Variants in NFKB1 observed in about 807,000 individuals in gnomAD.
NFKB1 encodes the protein nuclear factor NF-kappa-B p105 subunit.
In NFKB1, 9 loss-of-function variants were observed where a neutral mutation model predicts 105.1. The ratio of observed to expected loss-of-function variants is 0.09; its 90% CI spans 0.05 to 0.15. The LOEUF (loss-of-function observed/expected upper bound fraction) is 0.15. NFKB1 is among the 10% of genes least tolerant of loss of function. The pLI is 1.00. For synonymous variants in NFKB1, 440 were observed against 442.2 expected (o/e 1.00, Z 0.06); for missense variants, 830 against 1,203.7 (o/e 0.69, Z 4.59).
chr4:102,606,415 T>C (rs1727729357), intron 16 of NFKB1, 81 bp from the exon 17 acceptor site: 1 of 1,317,676 alleles, frequency 7.6e-7, no homozygotes, highest in Non-Finnish European at 1.1e-6. Context: ...CCCCACCTAT[T>C]GCAGTAACAG....
At position 102,573,035 on chromosome 4, in the gene NFKB1, G is replaced by A. The variant is rs188956602; in HGVS notation, c.408-3841G>A. 2.3e-3 allele frequency among the ~76,000 whole-genome samples: 352 copies of A among 152,264 alleles called. 1 individual carries two copies. Among genetic ancestry groups the A allele is most frequent in the African/African-American group, 8.3e-3 (343 of 41,554 alleles). On this transcript the variant is annotated intron_variant, in intron 6 of 23. Transcript: ENST00000226574. ...AGAATTTTAGGTAGACAGGCCGGGC[G>A]CAGTGGCTCACGCCTGAAATCCCAG...
intron 20 of NFKB1, 103 bp downstream of exon 20, chr4:102,610,802 T>C: frequency 1.5e-6 from 2 of 1,357,400 alleles, no homozygotes; most frequent in Non-Finnish European, 2.0e-6. Context: ...CCAAAGAACA[T>C]GCCTTTTATT....
intron 5 of NFKB1, among the ~76,000 whole-genome samples, chr4:102,548,010 T>G (rs891603639): frequency 2.0e-5 from 3 of 152,130 alleles, no homozygotes; most frequent in East Asian, 1.9e-4. Flanking sequence ...AGGATACTTA[T>G]GATAGAGAGC....
At chr4:102,519,005 AAT>A (rs1175230008) in intron 1 of NFKB1, among the ~76,000 whole-genome samples, 1 of 152,168 alleles carries the variant, frequency 6.6e-6, no homozygotes, top group African/African-American at 2.4e-5. Flanking sequence ...AGCACAGAGA[AAT>A]AGATGTTTCC....
chr4:102,549,721 G>A (rs965433359), intron 5 of NFKB1, among the ~76,000 whole-genome samples: 1 of 152,026 alleles, frequency 6.6e-6, no homozygotes, highest in Admixed American at 6.6e-5. Flanking sequence ...CTGCCTCATA[G>A]CTTCCCCTTT....
intron 23 of NFKB1, among the ~76,000 whole-genome samples, chr4:102,614,954 G>C (rs949548041): frequency 1.3e-5 from 2 of 151,936 alleles, no homozygotes; most frequent in Non-Finnish European, 2.9e-5. Context: ...TAATCACTTC[G>C]TATGCGACGC....
intron 16 of NFKB1, among the ~76,000 whole-genome samples, chr4:102,603,232 C>T (rs748157041): frequency 3.3e-5 from 5 of 152,004 alleles, no homozygotes; most frequent in Non-Finnish European, 7.4e-5. Flanking sequence ...ACCACCACAC[C>T]CAGCTAATTT....
chr4:102,520,962 G>A (rs1325189480), intron 1 of NFKB1, among the ~76,000 whole-genome samples: 4 of 151,996 alleles, frequency 2.6e-5, no homozygotes, highest in African/African-American at 9.7e-5. Flanking sequence ...ACATAATTCA[G>A]TTAGAAAATT....
intron 1 of NFKB1, among the ~76,000 whole-genome samples, chr4:102,511,869 C>T (rs968963025): frequency 2.0e-5 from 3 of 152,182 alleles, no homozygotes; most frequent in Non-Finnish European, 4.4e-5. Flanking sequence ...ATCCTATCTG[C>T]CCTTTCTTAG....
chr4:102,588,124 A>G (rs1216168120), intron 11 of NFKB1, among the ~76,000 whole-genome samples: 1 of 152,170 alleles, frequency 6.6e-6, no homozygotes, highest in Non-Finnish European at 1.5e-5. Flanking sequence ...TTTAGGTCAT[A>G]GACTATCTAG....
chr4:102,577,880 A>G, intron 7 of NFKB1: 1 of 985,182 alleles, frequency 1.0e-6, no homozygotes, highest in Non-Finnish European at 1.2e-6. Context: ...CCCCACTTCT[A>G]ATCAAGTTTA....
chr4:102,561,277 T>TGTGTG (rs1251118302), intron 5 of NFKB1, among the ~76,000 whole-genome samples: 98 of 116,094 alleles, frequency 8.4e-4, no homozygotes, highest in Admixed American at 1.4e-3. Context: ...TTTTTTTTTT[T>TGTGTG]TTTTTGTGTG....
At chr4:102,557,421 G>A (rs1346420529) in intron 5 of NFKB1, among the ~76,000 whole-genome samples, 2 of 152,162 alleles carry the variant, frequency 1.3e-5, no homozygotes, top group African/African-American at 4.8e-5. Context: ...AGCCAGCTAT[G>A]TCTTACTCCA....
intron 1 of NFKB1, among the ~76,000 whole-genome samples, chr4:102,521,656 A>G (rs920285578): frequency 3.3e-5 from 5 of 152,198 alleles, no homozygotes; most frequent in Non-Finnish European, 7.3e-5. Context: ...CCCAGTTACA[A>G]GGACAGGCGT....
At chr4:102,541,629 T>C (rs902149166) in intron 5 of NFKB1, among the ~76,000 whole-genome samples, 7 of 152,192 alleles carry the variant, frequency 4.6e-5, no homozygotes, top group African/African-American at 1.7e-4. Flanking sequence ...TATGGAATGA[T>C]GCTTTCAGGT....
At chr4:102,613,278 A>G (rs2149232123) in intron 22 of NFKB1, 147 bp from the exon 23 acceptor site, 1 of 737,296 alleles carries the variant, frequency 1.4e-6, no homozygotes, top group South Asian at 2.1e-5. Context: ...GTATTTTCTT[A>G]GTCGCTCTTC....
intron 6 of NFKB1, among the ~76,000 whole-genome samples, chr4:102,572,950 G>C (rs1465961216): frequency 6.6e-6 from 1 of 152,062 alleles, no homozygotes; most frequent in Non-Finnish European, 1.5e-5. Flanking sequence ...CTTTCAGTAG[G>C]TGTATGTTTT....
chr4:102,596,428 A>G, intron 14 of NFKB1, 96 bp downstream of exon 14: 1 of 993,618 alleles, frequency 1.0e-6, no homozygotes, highest in South Asian at 2.6e-5. Context: ...TGATATATCA[A>G]TATCTAGTTT....
intron 19 of NFKB1, among the ~76,000 whole-genome samples, chr4:102,609,433 GA>G (rs1357592864): frequency 6.6e-6 from 1 of 151,668 alleles, no homozygotes. Flanking sequence ...CCAACATGAC[GA>G]AACCCCATCT....
Sources: allele counts gnomAD v4.1 joint callset (sites outside exome capture counted in the v4.1 genomes callset), GRCh38; gene constraint gnomAD v4.1.1; transcripts MANE v1.5; gene names NCBI Gene and HGNC (gene_info 2026-07-23, HGNC 2026-07-21).